PDE8A: variants seen among roughly 807,000 people sequenced by gnomAD.
PDE8A encodes the protein high affinity cAMP-specific and IBMX-insensitive 3',5'-cyclic phosphodiesterase 8A.
Under a neutral mutation model 105.0 loss-of-function variants are expected in PDE8A, and 59 were observed. The observed-to-expected ratio is 0.56, with a 90% CI of 0.46 to 0.70. PDE8A has a LOEUF of 0.70. Among genes scored for constraint, PDE8A ranks in the 30% least tolerant of loss-of-function variants. The pLI is 0.00. For missense variants in PDE8A, 1,014 were observed against 1,045.9 expected (o/e 0.97, Z 0.42); for synonymous variants, 355 against 371.9 (o/e 0.95, Z 0.52).
intron 1 of PDE8A, among the ~76,000 whole-genome samples, chr15:85,001,114 C>T (rs1414445233): frequency 3.3e-5 from 5 of 152,292 alleles, no homozygotes; most frequent in Admixed American, 3.3e-4. Flanking sequence ...CCTGCGCCCT[C>T]TCCAGCTTCT....
At chr15:84,992,543 T>G (rs983662098) in intron 1 of PDE8A, among the ~76,000 whole-genome samples, 1 of 152,030 alleles carries the variant, frequency 6.6e-6, no homozygotes, top group Non-Finnish European at 1.5e-5. Flanking sequence ...TCATGAAGAT[T>G]AGGTTTCAGG....
intron 11 of PDE8A, among the ~76,000 whole-genome samples, chr15:85,101,002 G>A (rs1159022731): frequency 6.6e-6 from 1 of 152,224 alleles, no homozygotes; most frequent in Non-Finnish European, 1.5e-5. Flanking sequence ...ATTTTTGTGA[G>A]CACTTAATGT....
chr15:85,136,806 C>A lies in PDE8A; in HGVS notation c.2383+143C>A. ...GAGCGAAGTGAACCATCACCGAGGG[C>A]CCCTGAGGGCTAGGTGTTCTTTCTT... On this transcript the variant is annotated intron_variant, in intron 21 of 21. Transcript: ENST00000394553. 9 of 724,416 alleles carry A rather than the reference C, an allele frequency of 1.2e-5. No individual in the cohort carries two copies. In the South Asian group the frequency reaches 1.7e-4, roughly 14 times the overall value. 44.9% of individuals were successfully genotyped at this position (724,416 alleles called of 1,614,324 possible).
At chr15:85,087,200 T>G (rs2081568422) in intron 6 of PDE8A, among the ~76,000 whole-genome samples, 1 of 151,804 alleles carries the variant, frequency 6.6e-6, no homozygotes, top group Admixed American at 6.6e-5. Flanking sequence ...AAAGGCATTG[T>G]TTTTTTTATT....
chr15:85,001,513 G>C (rs1354270008), intron 1 of PDE8A, among the ~76,000 whole-genome samples: 1 of 152,170 alleles, frequency 6.6e-6, no homozygotes, highest in African/African-American at 2.4e-5. Context: ...ATGGCCTTGA[G>C]GACCCAGAGA....
intron 11 of PDE8A, among the ~76,000 whole-genome samples, chr15:85,106,360 C>A (rs2081947528): frequency 6.6e-6 from 1 of 152,166 alleles, no homozygotes; most frequent in African/African-American, 2.4e-5. Flanking sequence ...AGTTTACCCA[C>A]CCTTTTCCCC....
chr15:85,053,061 T>C (rs921595426), intron 1 of PDE8A, among the ~76,000 whole-genome samples: 3 of 152,158 alleles, frequency 2.0e-5, no homozygotes, highest in Admixed American at 6.5e-5. Flanking sequence ...TTCCCAGCAC[T>C]ATTTATTAAA....
At chr15:85,119,253 T>C (rs368409900) in intron 17 of PDE8A, among the ~76,000 whole-genome samples, 153 of 152,024 alleles carry the variant, frequency 1.0e-3, no homozygotes, top group African/African-American at 3.5e-3. Flanking sequence ...CCAAGGCAGA[T>C]GGATCAGGAA....
In PDE8A at chr15:85,076,598, T is replaced by G. The variant is rs559420254; in HGVS notation, c.492-135T>G. 2.9e-5 allele frequency: 18 copies of G among 629,954 alleles called. No homozygotes were observed. In the East Asian group the frequency reaches 3.6e-4, roughly 12 times the overall value. 39.0% of individuals were successfully genotyped at this position (629,954 alleles called of 1,614,324 possible). ...GAAAACAGTTTTCAACTTTATCCTT[T>G]AAATTTGTATATTAATCTGATTCAT... On this transcript the variant is annotated intron_variant, in intron 4 of 21. Transcript: ENST00000394553.
chr15:85,114,195 C>T (rs1317395763), intron 14 of PDE8A, among the ~76,000 whole-genome samples, 158 bp downstream of exon 14: 3 of 152,216 alleles, frequency 2.0e-5, no homozygotes, highest in African/African-American at 7.2e-5. Flanking sequence ...CTGCTATTCT[C>T]TGGCCAAGCA....
chr15:85,002,227 C>T (rs2080078645), intron 1 of PDE8A, among the ~76,000 whole-genome samples: 1 of 152,088 alleles, frequency 6.6e-6, no homozygotes, highest in Non-Finnish European at 1.5e-5. Flanking sequence ...CTTTAGGTTG[C>T]CCCTAATTGT....
intron 1 of PDE8A, among the ~76,000 whole-genome samples, chr15:85,047,719 C>G (rs1424490208): frequency 6.6e-6 from 1 of 152,122 alleles, no homozygotes; most frequent in Admixed American, 6.5e-5. Flanking sequence ...TTTGTCTGTA[C>G]AAATCAAGTT....
At chr15:85,099,975 A>G (rs1015711578) in intron 9 of PDE8A, 40 bp from the exon 10 acceptor site, 1 of 1,506,526 alleles carries the variant, frequency 6.6e-7, no homozygotes, top group Non-Finnish European at 9.1e-7. Flanking sequence ...ATCAAATTAG[A>G]GACTCAGAAG....
At chr15:85,043,763 T>C (rs1022282247) in intron 1 of PDE8A, among the ~76,000 whole-genome samples, 32 of 152,256 alleles carry the variant, frequency 2.1e-4, no homozygotes, top group African/African-American at 6.3e-4. Flanking sequence ...AGTCGTGTGA[T>C]CTTGGCACAC....
intron 8 of PDE8A, among the ~76,000 whole-genome samples, chr15:85,091,854 G>A (rs2081648318): frequency 6.8e-6 from 1 of 147,910 alleles, no homozygotes; most frequent in Non-Finnish European, 1.5e-5. Context: ...TGATGAGAAG[G>A]AAAAGGCTAC....
At chr15:85,067,488 T>G (rs2081247935) in intron 3 of PDE8A, among the ~76,000 whole-genome samples, 1 of 152,196 alleles carries the variant, frequency 6.6e-6, no homozygotes, top group Non-Finnish European at 1.5e-5. Context: ...TGTATATTAG[T>G]GCAGTAAGAA....
intron 2 of PDE8A, among the ~76,000 whole-genome samples, chr15:85,064,820 A>G (rs1281859876): frequency 6.6e-6 from 1 of 151,994 alleles, no homozygotes; most frequent in Non-Finnish European, 1.5e-5. Flanking sequence ...GCAACAATAA[A>G]TTAGATGGAC....
chr15:85,015,659 A>G (rs1415983608), intron 1 of PDE8A, among the ~76,000 whole-genome samples: 4 of 152,084 alleles, frequency 2.6e-5, no homozygotes, highest in Non-Finnish European at 5.9e-5. Context: ...TTTACTTCTC[A>G]TATCGTGATT....
Position 85,054,229 on chromosome 15 carries a change from A to T in PDE8A, c.187-10141A>T, listed in dbSNP as rs539439554. On this transcript the variant is annotated intron_variant, in intron 1 of 21. Transcript: ENST00000394553. ...GCTGGATTCAGTTTGCCAGTATTTT[A>T]TTCAGGATTTTTGCATCGATGTTCA... 7.6e-4 allele frequency among the ~76,000 whole-genome samples: 116 copies of T among 152,256 alleles called. 1 individual carries two copies. The highest frequency in any genetic ancestry group is 2.7e-3 in the African/African-American group (113 of 41,540).
Sources: allele counts gnomAD v4.1 joint callset (sites outside exome capture counted in the v4.1 genomes callset), GRCh38; gene constraint gnomAD v4.1.1; transcripts MANE v1.5; gene names NCBI Gene and HGNC (gene_info 2026-07-23, HGNC 2026-07-21).